The following SAMD5 variants were observed in gnomAD, a reference collection of about 807,000 sequenced individuals.
The protein encoded by SAMD5 is sterile alpha motif domain containing 5, also known as sterile alpha motif domain-containing protein 5.
Under a neutral mutation model 11.3 loss-of-function variants are expected in SAMD5, and 13 were observed. That is an observed-to-expected ratio of 1.15 (90% confidence interval 0.75 to 1.83). SAMD5 has a LOEUF of 1.83. Among genes scored for constraint, SAMD5 ranks in the 40% most tolerant of loss-of-function variants. SAMD5 has a pLI of 0.00. For missense variants in SAMD5, 255 were observed against 239.1 expected (o/e 1.07, Z -0.44); for synonymous variants, 129 against 111.3 (o/e 1.16, Z -1.00).
chr6:147,628,730 A>G lies in SAMD5; in HGVS notation c.163-108587A>G, dbSNP rs559974257. 1.3e-4 allele frequency among the ~76,000 whole-genome samples: 20 copies of G among 152,286 alleles called. 1 individual carries two copies. The South Asian group carries it at 4.1e-3, about 32-fold the overall frequency. On this transcript the variant is annotated intron_variant, in intron 1 of 1. Transcript: ENST00000566741. ...AAAAAAGGAAGAAAAAGATCTGGCC[A>G]TGGGAATAGGGGAGAGGCCACCTCA...
intron 1 of SAMD5, among the ~76,000 whole-genome samples, chr6:147,513,948 T>A (rs1788127313): frequency 6.6e-6 from 1 of 152,062 alleles, no homozygotes; most frequent in Non-Finnish European, 1.5e-5. Context: ...CAGACAGGGA[T>A]CACCCACAAC....
intron 1 of SAMD5, among the ~76,000 whole-genome samples, chr6:147,520,812 A>C (rs1051742475): frequency 2.0e-5 from 3 of 152,294 alleles, no homozygotes; most frequent in Admixed American, 6.5e-5. Flanking sequence ...TACATTGTGA[A>C]ATGATTAAAT....
chr6:147,584,384 T>C (rs1789344575), intron 1 of SAMD5, among the ~76,000 whole-genome samples: 1 of 152,228 alleles, frequency 6.6e-6, no homozygotes, highest in South Asian at 2.1e-4. Context: ...TGATTTGATC[T>C]ACTGCTTCTG....
intron 1 of SAMD5, among the ~76,000 whole-genome samples, chr6:147,528,415 C>T (rs1225208035): frequency 6.6e-6 from 1 of 152,166 alleles, no homozygotes; most frequent in Non-Finnish European, 1.5e-5. Flanking sequence ...GGTCACCCCT[C>T]TGTCTGTATC....
At chr6:147,682,953 C>G (rs1790960438) in intron 1 of SAMD5, among the ~76,000 whole-genome samples, 1 of 152,074 alleles carries the variant, frequency 6.6e-6, no homozygotes. Flanking sequence ...TGGTTTTGTT[C>G]TTCAGTGAAA....
chr6:147,802,631 A>C, the SAMD5 span, among the ~76,000 whole-genome samples: 1 of 152,258 alleles, frequency 6.6e-6, no homozygotes, highest in African/African-American at 2.4e-5. Context: ...ATTATTCATA[A>C]GTCTAAAACT....
intron 1 of SAMD5, among the ~76,000 whole-genome samples, chr6:147,558,661 G>A (rs1239076268): frequency 1.3e-5 from 2 of 151,678 alleles, no homozygotes; most frequent in Non-Finnish European, 2.9e-5. Flanking sequence ...GGTAGCTTTG[G>A]CCCATCAGAA....
intron 1 of SAMD5, among the ~76,000 whole-genome samples, chr6:147,721,512 T>A (rs1177535702): frequency 6.6e-6 from 1 of 152,264 alleles, no homozygotes; most frequent in Non-Finnish European, 1.5e-5. Flanking sequence ...GAGAAGTGTC[T>A]GTTCATATCC....
downstream of SAMD5, among the ~76,000 whole-genome samples, chr6:147,571,252 A>G (rs1247356313): frequency 1.3e-5 from 2 of 152,218 alleles, no homozygotes; most frequent in African/African-American, 4.8e-5. Flanking sequence ...GGGGAAATGT[A>G]TGCCTGCAGT....
the SAMD5 span, among the ~76,000 whole-genome samples, chr6:147,786,530 C>G: frequency 2.6e-5 from 4 of 152,266 alleles, no homozygotes; most frequent in East Asian, 7.7e-4. Context: ...GTTAAGAGAC[C>G]TTGAAGCAAA....
chr6:147,795,155 G>T, the SAMD5 span, among the ~76,000 whole-genome samples: 3 of 147,686 alleles, frequency 2.0e-5, no homozygotes, highest in African/African-American at 7.6e-5. Context: ...ATGCTGGTGT[G>T]CTGCACCCAC....
intron 1 of SAMD5, among the ~76,000 whole-genome samples, chr6:147,614,687 G>A (rs971955659): frequency 1.3e-5 from 2 of 151,816 alleles, no homozygotes; most frequent in Non-Finnish European, 2.9e-5. Flanking sequence ...AAGGGTTGGG[G>A]ATAGTATTGC....
chr6:147,743,410 G>A, the SAMD5 span: 1 of 152,220 alleles, frequency 6.6e-6, no homozygotes, highest in African/African-American at 2.4e-5. Context: ...AGCTGAGGCA[G>A]GAGAATGGCG....
At chr6:147,807,385 G>A in the SAMD5 span, among the ~76,000 whole-genome samples, 1 of 152,190 alleles carries the variant, frequency 6.6e-6, no homozygotes, top group Admixed American at 6.5e-5. Context: ...TTATAGGCAT[G>A]AGCCACTGTG....
At chr6:147,943,066 C>T in the SAMD5 span, among the ~76,000 whole-genome samples, 1 of 152,038 alleles carries the variant, frequency 6.6e-6, no homozygotes, top group Non-Finnish European at 1.5e-5. Flanking sequence ...GGTGATTCAC[C>T]CGCCTCGGCC....
chr6:147,861,821 G>T, the SAMD5 span, among the ~76,000 whole-genome samples: 1 of 152,290 alleles, frequency 6.6e-6, no homozygotes, highest in Middle Eastern at 3.4e-3. Flanking sequence ...TCTCTGAGGG[G>T]ATGCCCCTCA....
In SAMD5 at chr6:147,652,636, T is replaced by C. The variant is rs563730567; in HGVS notation, c.163-84681T>C. On this transcript the variant is annotated intron_variant, in intron 1 of 1. Coordinates refer to the SAMD5 transcript ENST00000566741. ...TGGGGCTCCTCATCTCGGATCCCTATGTATTCACTCCTGAATATGTCACAA... is the reference window on the plus strand; with the variant it reads ...TGGGGCTCCTCATCTCGGATCCCTACGTATTCACTCCTGAATATGTCACAA... Among the ~76,000 whole-genome samples, 17 of 152,326 alleles carry C rather than the reference T, an allele frequency of 1.1e-4. No homozygotes were observed. The East Asian group carries it at 2.1e-3, about 19-fold the overall frequency.
chr6:147,791,526 C>T, the SAMD5 span, among the ~76,000 whole-genome samples: 2 of 152,132 alleles, frequency 1.3e-5, no homozygotes, highest in Non-Finnish European at 2.9e-5. Flanking sequence ...CTTGTCTACT[C>T]ATAACTGTTA....
chr6:147,720,289 G>A (rs1426926892), intron 1 of SAMD5, among the ~76,000 whole-genome samples: 1 of 152,086 alleles, frequency 6.6e-6, no homozygotes, highest in East Asian at 1.9e-4. Context: ...GTGAAACCCC[G>A]TCTCTACTGA....
Sources: allele counts gnomAD v4.1 joint callset (sites outside exome capture counted in the v4.1 genomes callset), GRCh38; gene constraint gnomAD v4.1.1; transcripts MANE v1.5; gene names NCBI Gene and HGNC (gene_info 2026-07-23, HGNC 2026-07-21).